CLN3: variants seen among roughly 807,000 people sequenced by gnomAD.
CLN3 encodes CLN3 lysosomal/endosomal transmembrane protein, battenin.
In CLN3, 49 loss-of-function variants were observed where a neutral mutation model predicts 60.7. The observed-to-expected ratio is 0.81, with a 90% CI of 0.64 to 1.02. The LOEUF (loss-of-function observed/expected upper bound fraction) is 1.02, where lower values mean the gene tolerates loss of function less well. Ranked by LOEUF, CLN3 falls within the 50% of genes least tolerant of loss-of-function variation. CLN3 has a pLI of 0.00. For missense variants in CLN3, 516 were observed against 557.4 expected (o/e 0.93, Z 0.75); for synonymous variants, 256 against 245.8 (o/e 1.04, Z -0.39).
downstream of CLN3, among the ~76,000 whole-genome samples, chr16:28,470,008 C>A (rs1244089961): frequency 6.8e-6 from 1 of 146,768 alleles, no homozygotes; most frequent in Non-Finnish European, 1.5e-5. Flanking sequence ...CCAGATGACA[C>A]AAATCAAATG....
chr16:28,491,896 C>G, intron 1 of CLN3, 61 bp from the exon 2 acceptor site: 1 of 1,144,796 alleles, frequency 8.7e-7, no homozygotes, highest in South Asian at 1.3e-5. Flanking sequence ...TTGTCTAGGG[C>G]ACTCGCGCCC....
chr16:28,491,931 G>A (rs1596568373), intron 1 of CLN3, 89 bp downstream of exon 1: 2 of 855,326 alleles, frequency 2.3e-6, no homozygotes, highest in Non-Finnish European at 1.9e-6. Flanking sequence ...GAAGCTGGGG[G>A]CTCCATCTCG....
At chr16:28,480,662 C>T (rs1483084746) in intron 14 of CLN3, among the ~76,000 whole-genome samples, 1 of 152,118 alleles carries the variant, frequency 6.6e-6, no homozygotes, top group African/African-American at 2.4e-5. Context: ...CTGCCTTGGC[C>T]TCCCAAAGTG....
chr16:28,491,162 C>T, intron 3 of CLN3: 1 of 368,506 alleles, frequency 2.7e-6, no homozygotes, highest in East Asian at 4.6e-5. Flanking sequence ...ACTAGGAAAA[C>T]GCTGGTTTTC....
chr16:28,487,969 C>T (rs1274732686), intron 5 of CLN3: 22 of 557,402 alleles, frequency 3.9e-5, no homozygotes, highest in Non-Finnish European at 9.7e-6. Context: ...AATATCATAG[C>T]ACCTAGCTCA....
intron 10 of CLN3, 65 bp from the exon 11 acceptor site, chr16:28,482,737 C>G: frequency 6.4e-7 from 1 of 1,553,022 alleles, no homozygotes; most frequent in Non-Finnish European, 8.9e-7. Flanking sequence ...CAAAGAGGCA[C>G]CGGTATGACA....
chr16:28,486,564 C>T lies in CLN3; in HGVS notation c.533+14G>A. ...GGACAGCCTCTCCCCACACTCCCTGCTCCACCTGCTTACCTGGGGTAGAAG... is the reference window on the plus strand; with the variant it reads ...GGACAGCCTCTCCCCACACTCCCTGTTCCACCTGCTTACCTGGGGTAGAAG... On this transcript the variant is annotated intron_variant, in intron 8 of 15. Transcript: ENST00000636147. The T allele has an allele frequency of 6.2e-7, 1 of 1,609,450 alleles. No individual in the cohort carries two copies. The highest frequency in any genetic ancestry group is 8.5e-7 in the Non-Finnish European group (1 of 1,177,980).
chr16:28,481,452 AC>A (rs2046092746), intron 14 of CLN3, among the ~76,000 whole-genome samples: 1 of 117,758 alleles, frequency 8.5e-6, no homozygotes, highest in African/African-American at 3.7e-5. Flanking sequence ...ACACACACAC[AC>A]GCACACACAC....
intron 7 of CLN3, chr16:28,487,245 C>G: frequency 1.6e-6 from 1 of 635,798 alleles, no homozygotes; most frequent in South Asian, 1.8e-5. Flanking sequence ...ACCTCAATCT[C>G]CATCTAATTC....
At chr16:28,481,167 A>C (rs2046083677) in intron 14 of CLN3, among the ~76,000 whole-genome samples, 1 of 151,206 alleles carries the variant, frequency 6.6e-6, no homozygotes, top group Non-Finnish European at 1.5e-5. Context: ...GCTGGAGTGC[A>C]GTGGCATGAC....
intron 9 of CLN3, among the ~76,000 whole-genome samples, chr16:28,485,099 C>A (rs1454004722): frequency 1.3e-5 from 2 of 151,806 alleles, no homozygotes; most frequent in African/African-American, 4.8e-5. Flanking sequence ...CAAGCGCCAC[C>A]AAGCCTGGCT....
chr16:28,477,429 A>C lies in CLN3; in HGVS notation c.*87T>G. 2 of 1,576,694 alleles carry C rather than the reference A, an allele frequency of 1.3e-6. No individual in the cohort carries two copies. The highest frequency in any genetic ancestry group is 2.2e-5 in the South Asian group (2 of 89,730). On this transcript the variant is annotated 3_prime_UTR_variant, in exon 16 of 16. Coordinates refer to ENST00000636147, the MANE Select transcript of CLN3 (RefSeq NM_001042432.2). ...GCCGGGAAGGCTGGGAGCACAGTTCATGGAGGGTCTCTGGGGTGGGCCTGG... is the reference window on the plus strand; with the variant it reads ...GCCGGGAAGGCTGGGAGCACAGTTCCTGGAGGGTCTCTGGGGTGGGCCTGG...
chr16:28,480,735 T>C (rs999007944), intron 14 of CLN3, among the ~76,000 whole-genome samples: 4 of 152,166 alleles, frequency 2.6e-5, no homozygotes, highest in Non-Finnish European at 5.9e-5. Context: ...GGCAGAAGAC[T>C]TTCCTGTCAC....
At chr16:28,487,815 G>T in intron 5 of CLN3, 74 bp from the exon 6 acceptor site, 1 of 1,220,506 alleles carries the variant, frequency 8.2e-7, no homozygotes, top group Non-Finnish European at 1.2e-6. Context: ...CCAAGGAGAG[G>T]CAGGAGCTGG....
intron 14 of CLN3, among the ~76,000 whole-genome samples, chr16:28,478,264 C>G (rs906627856): frequency 2.7e-5 from 4 of 148,880 alleles, no homozygotes; most frequent in Non-Finnish European, 5.9e-5. Context: ...AAGATCGCAG[C>G]ACTGCACTCC....
Position 28,492,019 on chromosome 16 carries a change from C to A in CLN3, c.-77+1G>T. The A allele has an allele frequency of 1.7e-6, 1 of 593,876 alleles. No individual in the cohort carries two copies. The allele number at this position is 593,876 out of a possible 1,614,324, so 36.8% of individuals were successfully genotyped here. A position where few individuals can be genotyped will look rare whatever the true frequency, so the allele number is the denominator to read the frequency against. ...TACAGCAGGGACCCTGAGGCCTGTA[C>A]CTTTAAGAGCAGCAGAATGTTCTGC... On this transcript the variant is annotated splice_donor_variant, in intron 1 of 15. Coordinates refer to ENST00000636147, the MANE Select transcript of CLN3 (RefSeq NM_001042432.2). LOFTEE classifies it low-confidence loss of function (5UTR_SPLICE).
At position 28,486,537 on chromosome 16, in the gene CLN3, T is replaced by A. The variant is rs368274894; in HGVS notation, c.533+41A>T. The A allele has an allele frequency of 1.9e-5, 31 of 1,607,376 alleles. No homozygotes were observed. In the African/African-American group the frequency reaches 3.5e-4, roughly 18 times the overall value. ...CATTCAGGAGGACCTAGGCTGACCATGGGACAGCCTCTCCCCACACTCCCT... is the reference window on the plus strand; with the variant it reads ...CATTCAGGAGGACCTAGGCTGACCAAGGGACAGCCTCTCCCCACACTCCCT... On this transcript the variant is annotated intron_variant, in intron 8 of 15. Transcript: ENST00000636147.
intron 3 of CLN3, chr16:28,490,837 G>C (rs976847631): frequency 6.6e-6 from 1 of 151,706 alleles, no homozygotes; most frequent in Non-Finnish European, 1.5e-5. Flanking sequence ...GGAAGGTTGA[G>C]GTAGGAGGAT....
Position 28,488,355 on chromosome 16 carries a change from T to C in CLN3, c.294+236A>G, listed in dbSNP as rs149282. The C allele has an allele frequency of 0.99, 309,147 of 312,236 alleles. 153,127 individuals are homozygous for C. The highest frequency in any genetic ancestry group is 1 in the South Asian group (6,841 of 6,842). 19.3% of individuals were successfully genotyped at this position (312,236 alleles called of 1,614,324 possible). A position where few individuals can be genotyped will look rare whatever the true frequency, so the allele number is the denominator to read the frequency against. On this transcript the variant is annotated intron_variant, in intron 5 of 15. Transcript: ENST00000636147. Reference sequence around the variant, plus strand: ...ATATATATATTTTTTAATTTTTTTCTTTAAGATGGGGGTCTCACTATACTG... The same window carrying C: ...ATATATATATTTTTTAATTTTTTTCCTTAAGATGGGGGTCTCACTATACTG...
Sources: gnomAD v4.1 joint callset for allele counts (sites outside exome capture counted in the v4.1 genomes callset) on GRCh38, gnomAD v4.1.1 for gene constraint, MANE v1.5 for transcripts, NCBI Gene and HGNC (gene_info 2026-07-23, HGNC 2026-07-21) for gene names.